PIGG: variants seen among roughly 807,000 people sequenced by gnomAD.
PIGG encodes the protein phosphatidylinositol glycan anchor biosynthesis class G (EMM blood group), also known as GPI ethanolamine phosphate transferase 2, catalytic subunit.
In PIGG, 70 loss-of-function variants were observed where a neutral mutation model predicts 83.2. That is an observed-to-expected ratio of 0.84 (90% CI 0.69 to 1.03). The LOEUF (loss-of-function observed/expected upper bound fraction) is 1.03. Among genes scored for constraint, PIGG ranks in the 50% least tolerant of loss-of-function variants. The pLI is 0.00. For synonymous variants in PIGG, 532 were observed against 519.5 expected (o/e 1.02, Z -0.33); for missense variants, 1,257 against 1,233.6 (o/e 1.02, Z -0.28).
At chr4:525,154 C>T (rs756241235) in intron 9 of PIGG, 12 of 979,604 alleles carry the variant, frequency 1.2e-5, no homozygotes, top group Non-Finnish European at 1.5e-5. Context: ...TCCCTTTTCT[C>T]TCTCCTCATC....
At chr4:521,478 A>G (rs1725859988) in intron 7 of PIGG, among the ~76,000 whole-genome samples, 182 bp from the exon 8 acceptor site, 1 of 152,194 alleles carries the variant, frequency 6.6e-6, no homozygotes, top group Admixed American at 6.5e-5. Context: ...GTATTGCTGC[A>G]GGTGATAAAA....
intron 6 of PIGG, among the ~76,000 whole-genome samples, chr4:517,718 C>G (rs1724410864): frequency 6.6e-6 from 1 of 152,042 alleles, no homozygotes; most frequent in Non-Finnish European, 1.5e-5. Context: ...CACTGCGACT[C>G]TAATGGGAGT....
At position 505,803 on chromosome 4, in the gene PIGG, G is replaced by T; in HGVS notation, c.446G>T (p.Arg149Ile). 6.2e-7 allele frequency: 1 copy of T among 1,613,554 alleles called. No homozygotes were observed. Among genetic ancestry groups the T allele is most frequent in the Non-Finnish European group, 8.5e-7 (1 of 1,179,886 alleles). ...GCACTGCTGGAAGACAGTGTGATAA[G>T]ACAAGCAAAAGCAGCTGGAAAAAGA... Reference protein sequence around the residue: ...SPALLEDSVIRQAKAAGKRIV... With the variant: ...SPALLEDSVIIQAKAAGKRIV... Residue 149 changes from arginine to isoleucine, a missense_variant, in exon 3 of 13, where the codon AGA becomes ATA. By Grantham distance (97) the Arg-to-Ile change is moderately conservative. Transcript: ENST00000453061.
chr4:514,752 A>G (rs894069793), intron 5 of PIGG, among the ~76,000 whole-genome samples: 1 of 152,140 alleles, frequency 6.6e-6, no homozygotes, highest in Non-Finnish European at 1.5e-5. Flanking sequence ...GTTGTCAGCA[A>G]CTCCAGATAT....
chr4:523,466 T>C lies in PIGG; in HGVS notation c.1622T>C (p.Met541Thr), dbSNP rs181098265. ...GCACTTTCCTTTTCACAGAACCCCA[T>C]GCATCCCAGCTCAAGGTGGTCAGAG... is the stretch of plus-strand genomic sequence containing the variant. ...VGGNTPRKNP[M>T]HPSSRWSELD... The change falls in exon 9 of 13, where the codon ATG (methionine) becomes ACG (threonine). Residue 541 changes from methionine (M) to threonine (T), a missense_variant. Physicochemically the swap from Met to Thr is moderately conservative, Grantham distance 81. Coordinates refer to ENST00000453061, the MANE Select transcript of PIGG (RefSeq NM_001127178.3). 3.7e-6 allele frequency: 6 copies of C among 1,603,972 alleles called. No homozygotes were observed. The East Asian group carries it at 6.7e-5, about 18-fold the overall frequency.
rs995158791 is a variant in PIGG, at chr4:505,644, A to T, written c.361-74A>T. Reference sequence around the variant, plus strand: ...AGGGACCCTGTCTCAAAAAAAAAAAAAAAAATCTTCAGTGCCCTTTTCATG... The same window carrying T: ...AGGGACCCTGTCTCAAAAAAAAAAATAAAAATCTTCAGTGCCCTTTTCATG... On this transcript the variant is annotated intron_variant, in intron 2 of 12. Coordinates refer to ENST00000453061, the MANE Select transcript of PIGG (RefSeq NM_001127178.3). 4.2e-5 allele frequency: 48 copies of T among 1,130,982 alleles called. No individual in the cohort carries two copies. The South Asian group carries it at 6.4e-4, about 15-fold the overall frequency. 70.1% of individuals were successfully genotyped at this position (1,130,982 alleles called of 1,614,324 possible).
At position 529,135 on chromosome 4, in the gene PIGG, G is replaced by A. The variant is rs537071226; in HGVS notation, c.2262-1301G>A. On this transcript the variant is annotated intron_variant, in intron 10 of 12. Transcript: ENST00000453061. ...AGACTCTGCCCGGCCAGGGGAGGAG[G>A]AGGAGGACCCACCAAAGGCCCTGGA... 2.0e-5 allele frequency among the ~76,000 whole-genome samples: 3 copies of A among 152,298 alleles called. No homozygotes were observed. The South Asian group carries it at 6.2e-4, about 32-fold the overall frequency.
At chr4:502,832 G>T (rs1379236112) in intron 2 of PIGG, among the ~76,000 whole-genome samples, 2 of 151,910 alleles carry the variant, frequency 1.3e-5, no homozygotes, top group Admixed American at 6.6e-5. Flanking sequence ...CTTTTATATT[G>T]TCAAATGTTG....
At chr4:507,166 T>C (rs1720007325) in intron 3 of PIGG, among the ~76,000 whole-genome samples, 1 of 152,234 alleles carries the variant, frequency 6.6e-6, no homozygotes, top group Non-Finnish European at 1.5e-5. Flanking sequence ...TCCTGAACTC[T>C]TGGCCTCAAG....
intron 12 of PIGG, among the ~76,000 whole-genome samples, chr4:534,674 C>A (rs1384423181): frequency 6.6e-6 from 1 of 152,248 alleles, no homozygotes; most frequent in African/African-American, 2.4e-5. Context: ...CCAACACCCA[C>A]CCGTCTCCTG....
At position 508,840 on chromosome 4, in the gene PIGG, G is replaced by T. The variant is rs35496504; in HGVS notation, c.771G>T (p.Thr257=). The T allele has an allele frequency of 3.1e-6, 5 of 1,613,924 alleles. No homozygotes were observed. In the South Asian group the frequency reaches 4.4e-5, roughly 14 times the overall value. The change falls in exon 5 of 13, where the codon ACG becomes ACT. Residue 257 remains threonine, a synonymous_variant. Coordinates refer to ENST00000453061, the MANE Select transcript of PIGG (RefSeq NM_001127178.3). ...CCTTTGCCTTAAAGGAGAGAGAGACGCCTTTACCCAATTTGCTGGTTCTTT... is the reference window on the plus strand; with the variant it reads ...CCTTTGCCTTAAAGGAGAGAGAGACTCCTTTACCCAATTTGCTGGTTCTTT... ...HTSLQSKERE[T]PLPNLLVLCG...
chr4:526,894 A>G, intron 9 of PIGG, 145 bp from the exon 10 acceptor site: 1 of 950,600 alleles, frequency 1.1e-6, no homozygotes, highest in Non-Finnish European at 1.6e-6. Context: ...CCTTTGTTTG[A>G]AAATAAAAAT....
In PIGG at chr4:539,288, C is replaced by T. The variant is rs772025091; in HGVS notation, c.2871C>T (p.Tyr957=). The part of the protein sequence containing the change: ...IWSVFSPKLL[Y]EGMHLLITAA... ...GTGTATTTTCTCCAAAACTTCTCTA[C>T]GAGGGAATGCACCTGCTCATTACAG... The change falls in exon 13 of 13, where the codon TAC becomes TAT. Residue 957 remains tyrosine, a synonymous_variant. Transcript: ENST00000453061. 32 of 1,613,472 alleles carry T rather than the reference C, an allele frequency of 2.0e-5. No individual in the cohort carries two copies. The highest frequency in any genetic ancestry group is 2.5e-5 in the Non-Finnish European group (29 of 1,179,410).
Position 539,402 on chromosome 4 carries a change from T to A in PIGG, c.*33T>A, listed in dbSNP as rs761764257. 12 of 1,264,440 alleles carry A rather than the reference T, an allele frequency of 9.5e-6. No individual in the cohort carries two copies. The highest frequency in any genetic ancestry group is 1.4e-5 in the Non-Finnish European group (12 of 880,250). 78.3% of individuals were successfully genotyped at this position (1,264,440 alleles called of 1,614,324 possible). ...TGAACACTGGAAAAATAATACATGCTTAAAGTCTGCTGTTATTCTAAAATG... is the reference window on the plus strand; with the variant it reads ...TGAACACTGGAAAAATAATACATGCATAAAGTCTGCTGTTATTCTAAAATG... On this transcript the variant is annotated 3_prime_UTR_variant, in exon 13 of 13. Transcript: ENST00000453061.
chr4:511,904 A>G (rs1417844640), intron 5 of PIGG, among the ~76,000 whole-genome samples: 1 of 152,208 alleles, frequency 6.6e-6, no homozygotes, highest in African/African-American at 2.4e-5. Flanking sequence ...AGCACTTTGA[A>G]TGTGCTGTCT....
At chr4:499,582 C>T in intron 1 of PIGG, 93 bp downstream of exon 1, 1 of 1,452,638 alleles carries the variant, frequency 6.9e-7, no homozygotes, top group South Asian at 1.4e-5. Context: ...TTCTTCTCGG[C>T]GCTCCCCGGT....
At chr4:513,903 G>A (rs1213378499) in intron 5 of PIGG, among the ~76,000 whole-genome samples, 1 of 152,168 alleles carries the variant, frequency 6.6e-6, no homozygotes, top group Non-Finnish European at 1.5e-5. Context: ...TGTATCTGGG[G>A]ACTTGGTGAC....
At chr4:506,048 G>C in intron 3 of PIGG, 121 bp downstream of exon 3, 1 of 694,330 alleles carries the variant, frequency 1.4e-6, no homozygotes. Flanking sequence ...TTTATAGGGA[G>C]TACTATGGAC....
Position 528,526 on chromosome 4 carries a change from G to A in PIGG, c.2261+1296G>A, listed in dbSNP as rs1728268714. The stretch of plus-strand genomic sequence containing the variant: ...CTGAGGCCTGGCTGAGGCAGTGAGA[G>A]TGTAGCAGGCCGTCATACGGGGCCG... On this transcript the variant is annotated intron_variant, in intron 10 of 12. Transcript: ENST00000453061. This position sits in a 1 kb window ranked among gnomAD's most constrained non-coding sequence, Gnocchi z 4.8. 1.0e-6 allele frequency: 1 copy of A among 985,246 alleles called. No homozygotes were observed. The highest frequency in any genetic ancestry group is 1.7e-5 in the African/African-American group (1 of 57,220). The allele number at this position is 985,246 out of a possible 1,614,324, so 61.0% of individuals were successfully genotyped here.
Sources: allele counts gnomAD v4.1 joint callset (sites outside exome capture counted in the v4.1 genomes callset), GRCh38; gene constraint gnomAD v4.1.1; non-coding constraint Gnocchi (gnomAD v3.1); transcripts MANE v1.5; gene names NCBI Gene and HGNC (gene_info 2026-07-23, HGNC 2026-07-21).